The following GRIK1 variants were observed in gnomAD, a reference collection of about 807,000 sequenced individuals.
GRIK1 encodes glutamate ionotropic receptor kainate type subunit 1.
Under a neutral mutation model 105.7 loss-of-function variants are expected in GRIK1, and 69 were observed. The observed-to-expected ratio is 0.65, with a 90% CI of 0.54 to 0.80. The LOEUF is 0.80. Among genes scored for constraint, GRIK1 ranks in the 30% least tolerant of loss-of-function variants. GRIK1 has a pLI of 0.00. For missense variants in GRIK1, 1,109 were observed against 1,167.3 expected (o/e 0.95, Z 0.73); for synonymous variants, 438 against 431.3 (o/e 1.02, Z -0.19).
intron 1 of GRIK1, among the ~76,000 whole-genome samples, chr21:29,857,298 A>T (rs1003828498): frequency 5.3e-5 from 8 of 152,138 alleles, no homozygotes; most frequent in Non-Finnish European, 8.8e-5. Flanking sequence ...CCCACAATGG[A>T]CCTGTCTGAC....
At chr21:29,768,887 C>T (rs2065742356) in intron 1 of GRIK1, among the ~76,000 whole-genome samples, 1 of 152,194 alleles carries the variant, frequency 6.6e-6, no homozygotes, top group African/African-American at 2.4e-5. Flanking sequence ...TAACTTTCCA[C>T]CAAGCTGTTT....
intron 1 of GRIK1, among the ~76,000 whole-genome samples, chr21:29,871,096 C>A (rs967480667): frequency 7.2e-5 from 11 of 152,136 alleles, no homozygotes; most frequent in African/African-American, 2.2e-4. Flanking sequence ...TGCAATCCCT[C>A]TTCTGCTCTC....
intron 7 of GRIK1, chr21:29,601,298 C>T (rs1033108136): frequency 4.3e-6 from 2 of 469,454 alleles, no homozygotes; most frequent in Non-Finnish European, 9.0e-6. Context: ...CGTTCTCAGG[C>T]CTTTAGACTC....
At chr21:29,886,648 A>T (rs921054449) in intron 1 of GRIK1, among the ~76,000 whole-genome samples, 1 of 152,102 alleles carries the variant, frequency 6.6e-6, no homozygotes, top group Admixed American at 6.6e-5. Flanking sequence ...GACCCCAAAC[A>T]CTTGCTTTTT....
intron 1 of GRIK1, among the ~76,000 whole-genome samples, chr21:29,874,677 G>C (rs2069131210): frequency 6.6e-6 from 1 of 152,204 alleles, no homozygotes; most frequent in South Asian, 2.1e-4. Flanking sequence ...GGAGAGAATA[G>C]AGTATGGACA....
At chr21:29,717,396 C>A (rs1157412273) in intron 1 of GRIK1, among the ~76,000 whole-genome samples, 1 of 152,214 alleles carries the variant, frequency 6.6e-6, no homozygotes, top group Non-Finnish European at 1.5e-5. Flanking sequence ...TCAACACCAG[C>A]CATGAAAGCA....
chr21:29,931,855 T>C (rs190070580), intron 1 of GRIK1, among the ~76,000 whole-genome samples: 7 of 152,272 alleles, frequency 4.6e-5, no homozygotes, highest in Admixed American at 3.9e-4. Flanking sequence ...AGATTGTCTG[T>C]GCTCTTTGAC....
chr21:29,815,879 C>T (rs1601768809), intron 1 of GRIK1, among the ~76,000 whole-genome samples: 1 of 152,056 alleles, frequency 6.6e-6, no homozygotes, highest in Non-Finnish European at 1.5e-5. Context: ...CAATCCAGGA[C>T]ACTGGTCTAG....
intron 16 of GRIK1, among the ~76,000 whole-genome samples, chr21:29,550,474 G>A (rs755008845): frequency 5.9e-5 from 9 of 152,166 alleles, no homozygotes; most frequent in East Asian, 3.8e-4. Context: ...GGTTCTCAGC[G>A]TTTCCAGCAC....
At chr21:29,625,085 G>A (rs1356345447) in intron 7 of GRIK1, among the ~76,000 whole-genome samples, 1 of 152,172 alleles carries the variant, frequency 6.6e-6, no homozygotes, top group African/African-American at 2.4e-5. Flanking sequence ...TAATTGATGT[G>A]TCTATTAATA....
chr21:29,734,953 T>C (rs896250475), intron 1 of GRIK1, among the ~76,000 whole-genome samples: 7 of 152,136 alleles, frequency 4.6e-5, no homozygotes, highest in African/African-American at 1.7e-4. Context: ...ACTCCTTAAA[T>C]TGCCTGCTCT....
intron 10 of GRIK1, 67 bp downstream of exon 10, chr21:29,591,042 TTGA>T: frequency 1.2e-6 from 1 of 854,462 alleles, no homozygotes; most frequent in East Asian, 2.4e-5. Context: ...AAAAAGACAG[TTGA>T]GGAATGCTTC....
chr21:29,667,192 T>C (rs1484825533), intron 4 of GRIK1, among the ~76,000 whole-genome samples: 1 of 152,230 alleles, frequency 6.6e-6, no homozygotes, highest in African/African-American at 2.4e-5. Flanking sequence ...CTTGATGTTT[T>C]CTATAGTGAG....
At chr21:29,755,621 G>A (rs1350029622) in intron 1 of GRIK1, among the ~76,000 whole-genome samples, 2 of 152,170 alleles carry the variant, frequency 1.3e-5, no homozygotes, top group Non-Finnish European at 2.9e-5. Context: ...CTCTTTACAT[G>A]GAGAGATGGG....
intron 16 of GRIK1, among the ~76,000 whole-genome samples, chr21:29,549,935 C>T (rs903092594): frequency 2.6e-5 from 4 of 151,704 alleles, no homozygotes; most frequent in African/African-American, 9.7e-5. Flanking sequence ...GGCGAAACTC[C>T]TGTCTCTACT....
chr21:29,781,318 T>C (rs1201488619), intron 1 of GRIK1, among the ~76,000 whole-genome samples: 2 of 152,180 alleles, frequency 1.3e-5, no homozygotes, highest in African/African-American at 4.8e-5. Context: ...TCTTCCTTTC[T>C]TCCATCCCAC....
chr21:29,733,218 G>A (rs1166122760), intron 1 of GRIK1, among the ~76,000 whole-genome samples: 1 of 152,070 alleles, frequency 6.6e-6, no homozygotes, highest in African/African-American at 2.4e-5. Flanking sequence ...CAACATAGGA[G>A]AGCCTTATCC....
At chr21:29,639,520 A>G (rs2062467137) in intron 7 of GRIK1, among the ~76,000 whole-genome samples, 1 of 152,176 alleles carries the variant, frequency 6.6e-6, no homozygotes, top group Non-Finnish European at 1.5e-5. Flanking sequence ...AGCATATTGC[A>G]TATTCAAGGG....
chr21:29,782,262 A>AT (rs949404677), intron 1 of GRIK1, among the ~76,000 whole-genome samples: 1 of 150,486 alleles, frequency 6.6e-6, no homozygotes, highest in Non-Finnish European at 1.5e-5. Context: ...AATTTTTTGT[A>AT]TTTTTAGTAG....
Sources: allele counts gnomAD v4.1 joint callset (sites outside exome capture counted in the v4.1 genomes callset), GRCh38; gene constraint gnomAD v4.1.1; transcripts MANE v1.5; gene names NCBI Gene and HGNC (gene_info 2026-07-23, HGNC 2026-07-21).